Variants in TESPA1 observed in about 807,000 individuals in gnomAD.
TESPA1 encodes protein TESPA1.
TESPA1 carries 33 observed loss-of-function variants against 57.9 expected under a neutral mutation model. The observed-to-expected ratio is 0.57, with a 90% CI of 0.43 to 0.76. TESPA1 has a LOEUF of 0.76. Among genes scored for constraint, TESPA1 ranks in the 30% least tolerant of loss-of-function variants. The pLI, the probability that TESPA1 is intolerant of heterozygous loss-of-function variation, is 0.00. For synonymous variants in TESPA1, 227 were observed against 228.9 expected (o/e 0.99, Z 0.07); for missense variants, 618 against 632.9 (o/e 0.98, Z 0.25).
rs1366166275 is a variant in TESPA1 at position 54,948,914 on chromosome 12, G to A, written c.*1478C>T. 1 of 152,164 alleles carries A rather than the reference G, an allele frequency of 6.6e-6. No individual in the cohort carries two copies. The highest frequency in any genetic ancestry group is 2.4e-5 in the African/African-American group (1 of 41,440). The allele number at this position is 152,164 out of a possible 1,614,324, so 9.4% of individuals were successfully genotyped here. The stretch of plus-strand genomic sequence containing the variant: ...GAATATTTGCTTTAGAAAATTTGCT[G>A]TAGTTCTTTCTATTTCTTGAGATCT... On this transcript the variant is annotated 3_prime_UTR_variant, in exon 11 of 11. Transcript: ENST00000449076.
At chr12:54,966,772 T>C (rs1951462212) in intron 5 of TESPA1, among the ~76,000 whole-genome samples, 1 of 152,178 alleles carries the variant, frequency 6.6e-6, no homozygotes, top group Admixed American at 6.5e-5. Context: ...CAGGAGACAC[T>C]GGTAGGTTGC....
rs1951500842 is a variant in TESPA1, at chr12:54,967,246, A to G, written c.257-10T>C. Reference sequence around the variant, plus strand: ...CCATGGCTGCAGAAGCCTGTCCAATAATCAGGTGAGGGTCACAGAAAACCA... The same window carrying G: ...CCATGGCTGCAGAAGCCTGTCCAATGATCAGGTGAGGGTCACAGAAAACCA... On this transcript the variant is annotated splice_polypyrimidine_tract_variant and intron_variant, in intron 4 of 10. Transcript: ENST00000449076. 6.2e-7 allele frequency: 1 copy of G among 1,611,974 alleles called. No homozygotes were observed. The highest frequency in any genetic ancestry group is 1.1e-5 in the South Asian group (1 of 90,588).
chr12:54,969,045 A>ATATATATG (rs1951645068), intron 3 of TESPA1, among the ~76,000 whole-genome samples: 1 of 115,826 alleles, frequency 8.6e-6, no homozygotes, highest in African/African-American at 3.8e-5. Context: ...ATATATATAT[A>ATATATATG]TGTGTGTGTG....
chr12:54,953,554 G>A (rs1284523853), intron 10 of TESPA1, among the ~76,000 whole-genome samples: 1 of 136,944 alleles, frequency 7.3e-6, no homozygotes, highest in African/African-American at 2.9e-5. Flanking sequence ...GTCTCGCTCT[G>A]TCGCCCACGC....
At position 54,950,356 on chromosome 12, in the gene TESPA1, G is replaced by C; in HGVS notation, c.*36C>G. On this transcript the variant is annotated 3_prime_UTR_variant, in exon 11 of 11. Transcript: ENST00000449076. Reference sequence around the variant, plus strand: ...TAGTTTCTTCTTTGAAGCCAATTCTGTCAGACCACATGCTGTTGTGGTGGT... The same window carrying C: ...TAGTTTCTTCTTTGAAGCCAATTCTCTCAGACCACATGCTGTTGTGGTGGT... The C allele has an allele frequency of 2.2e-6, 1 of 456,896 alleles. No homozygotes were observed. The allele number at this position is 456,896 out of a possible 1,614,324, so 28.3% of individuals were successfully genotyped here. A position where few individuals can be genotyped will look rare whatever the true frequency, so the allele number is the denominator to read the frequency against.
chr12:54,959,388 C>A (rs923480217), intron 10 of TESPA1, among the ~76,000 whole-genome samples: 1 of 152,224 alleles, frequency 6.6e-6, no homozygotes, highest in African/African-American at 2.4e-5. Context: ...TGCTCTGCTG[C>A]ATTTCAAAAT....
intron 2 of TESPA1, chr12:54,973,770 T>A: frequency 7.9e-7 from 1 of 1,258,132 alleles, no homozygotes; most frequent in Non-Finnish European, 1.0e-6. Context: ...TCAGGCCCAC[T>A]GCTGTCTTTT....
At chr12:54,973,988 A>G in intron 2 of TESPA1, 5 of 832,754 alleles carry the variant, frequency 6.0e-6, no homozygotes, top group Non-Finnish European at 7.3e-6. Context: ...TCAATTGGAC[A>G]AATAAGTCTT....
chr12:54,973,435 A>G (rs17525516), intron 3 of TESPA1, 42 bp downstream of exon 3: 117 of 1,613,216 alleles, frequency 7.3e-5, no homozygotes, highest in African/African-American at 9.3e-5. Context: ...AGCAAATTCA[A>G]CCATCAGCCA....
At chr12:54,954,096 G>C (rs1950584789) in intron 10 of TESPA1, among the ~76,000 whole-genome samples, 1 of 152,170 alleles carries the variant, frequency 6.6e-6, no homozygotes. Flanking sequence ...AAAGGGTCAA[G>C]GCACACAGTA....
At chr12:54,969,221 A>G (rs1216086162) in intron 3 of TESPA1, among the ~76,000 whole-genome samples, 2 of 151,562 alleles carry the variant, frequency 1.3e-5, no homozygotes, top group African/African-American at 4.8e-5. Context: ...AAGAATAGGT[A>G]ACTCTAATAA....
intron 3 of TESPA1, among the ~76,000 whole-genome samples, chr12:54,968,520 A>G (rs1325234695): frequency 1.3e-5 from 2 of 152,216 alleles, no homozygotes; most frequent in Admixed American, 1.3e-4. Context: ...ACAAACAAGG[A>G]AGAAATTCTC....
In TESPA1 at chr12:54,984,581, T is replaced by TTACC. The variant is rs1952429062; in HGVS notation, c.-46_-46+3dup. ...CTTGAAACTGAGATAAAGGCTGTGC[T>TTACC]TACCTGTCTGCTGGTAGAAAGCTGA... On this transcript the variant is annotated splice_donor_region_variant and intron_variant, in intron 1 of 10. Transcript: ENST00000449076. The TTACC allele has an allele frequency of 6.6e-6, 1 of 152,282 alleles. No individual in the cohort carries two copies. Among genetic ancestry groups the TTACC allele is most frequent in the African/African-American group, 2.4e-5 (1 of 41,462 alleles). 9.4% of individuals were successfully genotyped at this position (152,282 alleles called of 1,614,324 possible). A position where few individuals can be genotyped will look rare whatever the true frequency, so the allele number is the denominator to read the frequency against.
chr12:54,954,312 T>C (rs1190803046), intron 10 of TESPA1, among the ~76,000 whole-genome samples: 1 of 152,226 alleles, frequency 6.6e-6, no homozygotes, highest in Non-Finnish European at 1.5e-5. Context: ...AAGTATAAAA[T>C]GGATTTCAGG....
intron 2 of TESPA1, 156 bp from the exon 3 acceptor site, chr12:54,973,675 C>T: frequency 1.4e-6 from 2 of 1,433,856 alleles, no homozygotes; most frequent in African/African-American, 1.4e-5. Flanking sequence ...GAGGAATACA[C>T]CGTATATAAA....
Position 54,978,904 on chromosome 12 carries a change from T to C in TESPA1, c.-45-4297A>G, listed in dbSNP as rs570350160. On this transcript the variant is annotated intron_variant, in intron 1 of 10. Coordinates refer to ENST00000449076, the MANE Select transcript of TESPA1 (RefSeq NM_001136030.3). ...TCATCATTCACCACTACTTGTAACT[T>C]CTCCCCTAAACCCATCATAGAACAT... 2.0e-5 allele frequency among the ~76,000 whole-genome samples: 3 copies of C among 152,226 alleles called. No individual in the cohort carries two copies. In the South Asian group the frequency reaches 6.2e-4, roughly 32 times the overall value.
rs555252261 is a variant in TESPA1 at position 54,973,449 on chromosome 12, A to G, written c.206+28T>C. On this transcript the variant is annotated intron_variant, in intron 3 of 10. Transcript: ENST00000449076. ...TAGCAAATTCAACCATCAGCCACAT[A>G]CCACCCCATTGCCTGTCCAGCACTT... 2.0e-4 allele frequency: 329 copies of G among 1,613,840 alleles called. 1 individual carries two copies. In the South Asian group the frequency reaches 3.5e-3, roughly 17 times the overall value.
chr12:54,958,375 A>T (rs1057040011), intron 10 of TESPA1, among the ~76,000 whole-genome samples: 14 of 152,114 alleles, frequency 9.2e-5, no homozygotes, highest in Non-Finnish European at 1.6e-4. Flanking sequence ...TGTAATTCTT[A>T]TCTTTGTTTT....
intron 10 of TESPA1, 60 bp from the exon 11 acceptor site, chr12:54,950,450 G>C (rs1950310860): frequency 2.5e-6 from 1 of 399,358 alleles, no homozygotes; most frequent in Admixed American, 2.9e-5. Context: ...TGGGTACTGA[G>C]GTTGGTAGGA....
Sources: gnomAD v4.1 joint callset for allele counts (sites outside exome capture counted in the v4.1 genomes callset) on GRCh38, gnomAD v4.1.1 for gene constraint, MANE v1.5 for transcripts, NCBI Gene and HGNC (gene_info 2026-07-23, HGNC 2026-07-21) for gene names.